The following RBFOX1 variants were observed in gnomAD, a reference collection of about 807,000 sequenced individuals.
The protein encoded by RBFOX1 is RNA binding protein fox-1 homolog 1.
A neutral mutation model predicts 57.7 loss-of-function variants in RBFOX1; 8 were observed. That is an observed-to-expected ratio of 0.14 (90% CI 0.08 to 0.25). The LOEUF is 0.25. RBFOX1 is among the 10% of genes least tolerant of loss of function. RBFOX1 has a pLI of 1.00. For missense variants in RBFOX1, 611 were observed against 548.5 expected (o/e 1.11, Z -1.14); for synonymous variants, 326 against 222.4 (o/e 1.47, Z -4.15).
intron 2 of RBFOX1, among the ~76,000 whole-genome samples, chr16:6,514,652 C>G (rs933518015): frequency 6.6e-6 from 1 of 152,144 alleles, no homozygotes; most frequent in East Asian, 1.9e-4. Flanking sequence ...TCTCATCCAT[C>G]TCTAACATGA....
chr16:7,116,492 C>T (rs973432193), intron 4 of RBFOX1, among the ~76,000 whole-genome samples: 7 of 152,178 alleles, frequency 4.6e-5, no homozygotes, highest in African/African-American at 1.4e-4. Flanking sequence ...GGCCTCACTT[C>T]ACAAGTAAAT....
chr16:6,500,706 A>C (rs548779639), intron 2 of RBFOX1, among the ~76,000 whole-genome samples: 1 of 151,450 alleles, frequency 6.6e-6, no homozygotes, highest in East Asian at 2.0e-4. Flanking sequence ...GAAAACTTGG[A>C]CACTGACATC....
chr16:6,455,958 C>A (rs894962471), intron 2 of RBFOX1, among the ~76,000 whole-genome samples: 62 of 152,056 alleles, frequency 4.1e-4, no homozygotes, highest in African/African-American at 1.3e-3. Flanking sequence ...GATTAAGAAT[C>A]TTAGACTAAA....
chr16:7,702,133 A>C (rs2080938386), intron 14 of RBFOX1, among the ~76,000 whole-genome samples: 3 of 152,230 alleles, frequency 2.0e-5, no homozygotes, highest in African/African-American at 7.2e-5. Flanking sequence ...GCGCACTGGG[A>C]TTAGCCCAGA....
chr16:6,628,081 C>A (rs1002069931), intron 2 of RBFOX1, among the ~76,000 whole-genome samples: 1 of 152,184 alleles, frequency 6.6e-6, no homozygotes, highest in South Asian at 2.1e-4. Context: ...AGCCAGGCTC[C>A]CTTCTCTGTT....
intron 1 of RBFOX1, among the ~76,000 whole-genome samples, chr16:6,201,381 C>G (rs974370547): frequency 4.6e-5 from 7 of 152,164 alleles, no homozygotes; most frequent in African/African-American, 1.7e-4. Flanking sequence ...AACCTCCATA[C>G]TGTTCCCCAG....
intron 3 of RBFOX1, among the ~76,000 whole-genome samples, chr16:6,976,554 T>C (rs1260193976): frequency 1.3e-5 from 2 of 151,902 alleles, no homozygotes; most frequent in Admixed American, 6.6e-5. Flanking sequence ...AGCAAGTTTA[T>C]TAGGAAAGGC....
intron 2 of RBFOX1, among the ~76,000 whole-genome samples, chr16:6,437,800 G>A (rs780970735): frequency 2.6e-5 from 4 of 152,092 alleles, no homozygotes; most frequent in Admixed American, 6.6e-5. Flanking sequence ...ACCAGACCTC[G>A]TGAGAACTCA....
At chr16:6,781,689 G>C (rs1019768899) in intron 3 of RBFOX1, among the ~76,000 whole-genome samples, 1 of 151,942 alleles carries the variant, frequency 6.6e-6, no homozygotes, top group Non-Finnish European at 1.5e-5. Flanking sequence ...ATTTCTTCCA[G>C]ATTTTCCAAA....
At chr16:7,131,463 A>G (rs1356722672) in intron 4 of RBFOX1, among the ~76,000 whole-genome samples, 2 of 143,570 alleles carry the variant, frequency 1.4e-5, no homozygotes, top group Admixed American at 7.3e-5. Flanking sequence ...CTGCTCCGGT[A>G]GGTTTCATAA....
intron 3 of RBFOX1, among the ~76,000 whole-genome samples, chr16:6,844,593 G>C (rs930195117): frequency 6.6e-6 from 1 of 151,980 alleles, no homozygotes; most frequent in Non-Finnish European, 1.5e-5. Flanking sequence ...TCATTGATGG[G>C]CATTTAGGTT....
At chr16:7,582,508 C>A (rs553734964) in intron 6 of RBFOX1, among the ~76,000 whole-genome samples, 3 of 152,106 alleles carry the variant, frequency 2.0e-5, no homozygotes, top group Non-Finnish European at 2.9e-5. Context: ...TGCCAAACAC[C>A]GGTGGTCATG....
At chr16:5,951,111 C>G (rs142347139) in intron 4 of RBFOX1, among the ~76,000 whole-genome samples, 1 of 152,044 alleles carries the variant, frequency 6.6e-6, no homozygotes, top group Non-Finnish European at 1.5e-5. Context: ...CCTATACAAT[C>G]TGAATGAATA....
At chr16:5,406,560 GTTTCTCTCTCTTTA>G (rs2066873029) in intron 1 of RBFOX1, among the ~76,000 whole-genome samples, 1 of 151,394 alleles carries the variant, frequency 6.6e-6, no homozygotes, top group Admixed American at 6.6e-5. Context: ...CTCTCTCTGT[GTTTCTCTCTCTTTA>G]TTTCTCTCTC....
intron 4 of RBFOX1, among the ~76,000 whole-genome samples, chr16:7,394,037 A>T (rs982467341): frequency 1.3e-5 from 2 of 151,980 alleles, no homozygotes; most frequent in African/African-American, 4.8e-5. Context: ...GGAGTTGGAG[A>T]CCATCCTGGC....
rs2067488913 is a variant in RBFOX1 at position 5,424,942 on chromosome 16, T to TTTGTTTCTTTC, written c.220-42273_220-42272insTGTTTCTTTCT. Among the ~76,000 whole-genome samples, 5 of 71,386 alleles carry TTTGTTTCTTTC rather than the reference T, an allele frequency of 7.0e-5. No homozygotes were observed. In the Admixed American group the frequency reaches 8.5e-4, roughly 12 times the overall value. The allele number at this position is 71,386 out of a possible 152,430, so 46.8% of individuals were successfully genotyped here. ...TTCTTTCTTTCTTTCTTTCTCTCTC[T>TTTGTTTCTTTC]TCTTTCTTCCTTTGTTTCTTTCTCT... is the stretch of plus-strand genomic sequence containing the variant. On this transcript the variant is annotated intron_variant, in intron 1 of 2. Coordinates refer to the RBFOX1 transcript ENST00000585867.
At chr16:6,285,526 G>T (rs189723922) in intron 1 of RBFOX1, among the ~76,000 whole-genome samples, 1 of 152,296 alleles carries the variant, frequency 6.6e-6, no homozygotes, top group Non-Finnish European at 1.5e-5. Flanking sequence ...GCCGAGTGCT[G>T]ATTCCATGCA....
chr16:7,209,549 A>G (rs564946311), intron 4 of RBFOX1, among the ~76,000 whole-genome samples: 6 of 152,292 alleles, frequency 3.9e-5, no homozygotes, highest in African/African-American at 1.2e-4. Context: ...CTCTCAGTGC[A>G]AACATTACCT....
chr16:6,388,755 C>T (rs1371076192), intron 2 of RBFOX1, among the ~76,000 whole-genome samples: 3 of 152,018 alleles, frequency 2.0e-5, no homozygotes, highest in African/African-American at 7.2e-5. Flanking sequence ...CAAAAACAAA[C>T]AAAAAGGAAA....
Sources: allele counts gnomAD v4.1 joint callset (sites outside exome capture counted in the v4.1 genomes callset), GRCh38; gene constraint gnomAD v4.1.1; transcripts MANE v1.5; gene names NCBI Gene and HGNC (gene_info 2026-07-23, HGNC 2026-07-21).